The following KCNK10 variants were observed in gnomAD, a reference collection of about 807,000 sequenced individuals.
The protein encoded by KCNK10 is potassium channel subfamily K member 10.
In KCNK10, 25 loss-of-function variants were observed where a neutral mutation model predicts 47.7. The observed-to-expected ratio is 0.52, with a 90% CI of 0.38 to 0.73. KCNK10 has a LOEUF of 0.73. KCNK10 is among the 30% of genes least tolerant of loss of function. KCNK10 has a pLI of 0.00. For synonymous variants in KCNK10, 303 were observed against 285.6 expected (o/e 1.06, Z -0.61); for missense variants, 563 against 714.5 (o/e 0.79, Z 2.42).
intron 1 of KCNK10, among the ~76,000 whole-genome samples, chr14:88,298,646 C>T: frequency 6.6e-6 from 1 of 152,212 alleles, no homozygotes; most frequent in African/African-American, 2.4e-5. Flanking sequence ...ATGGTGACTA[C>T]TCACAAATTC....
intron 2 of KCNK10, among the ~76,000 whole-genome samples, chr14:88,248,094 G>A (rs1432812038): frequency 6.6e-6 from 1 of 152,158 alleles, no homozygotes; most frequent in Non-Finnish European, 1.5e-5. Context: ...AACTGATGTT[G>A]AAAAATTGCC....
intron 2 of KCNK10, among the ~76,000 whole-genome samples, chr14:88,258,525 G>A (rs956864969): frequency 3.3e-5 from 5 of 152,132 alleles, no homozygotes; most frequent in South Asian, 2.1e-4. Context: ...TCCTGACATC[G>A]TGATCCGCTT....
At chr14:88,299,299 A>G (rs1242032833) in intron 1 of KCNK10, among the ~76,000 whole-genome samples, 1 of 152,194 alleles carries the variant, frequency 6.6e-6, no homozygotes, top group East Asian at 1.9e-4. Flanking sequence ...GGCAGAGCTG[A>G]TATCAGATGG....
chr14:88,294,701 T>G (rs568707052), intron 1 of KCNK10, among the ~76,000 whole-genome samples: 1 of 152,322 alleles, frequency 6.6e-6, no homozygotes, highest in African/African-American at 2.4e-5. Flanking sequence ...CTGGCTGGTC[T>G]TTAAAATACA....
At position 88,180,871 on chromosome 14, in the gene KCNK10, G is replaced by A; in HGVS notation, c.*4664C>T. On this transcript the variant is annotated 3_prime_UTR_variant, in exon 7 of 7. Coordinates refer to ENST00000319231, the MANE Select transcript of KCNK10 (RefSeq NM_138317.3). Reference sequence around the variant, plus strand: ...TGCTGTTCCAAAGTTTCCCTATGCAGAATTAACAGCATCCACAATGCCACA... The same window carrying A: ...TGCTGTTCCAAAGTTTCCCTATGCAAAATTAACAGCATCCACAATGCCACA... 2.5e-6 allele frequency: 1 copy of A among 398,702 alleles called. No homozygotes were observed. The highest frequency in any genetic ancestry group is 4.4e-6 in the Non-Finnish European group (1 of 226,036). The allele number at this position is 398,702 out of a possible 1,614,324, so 24.7% of individuals were successfully genotyped here. A position where few individuals can be genotyped will look rare whatever the true frequency, so the allele number is the denominator to read the frequency against.
At chr14:88,303,115 C>T (rs963128189) in intron 1 of KCNK10, among the ~76,000 whole-genome samples, 2 of 152,150 alleles carry the variant, frequency 1.3e-5, no homozygotes. Context: ...ACTTCACTCC[C>T]TTCCCTGCTT....
At chr14:88,300,647 C>A (rs1888072543) in intron 1 of KCNK10, among the ~76,000 whole-genome samples, 1 of 152,146 alleles carries the variant, frequency 6.6e-6, no homozygotes, top group Middle Eastern at 3.2e-3. Flanking sequence ...ATCACAAAGA[C>A]TGAGTTTTAA....
Position 88,263,430 on chromosome 14 carries a change from G to A in KCNK10, c.174C>T (p.Ala58=). ...LSISSRATVV[A]RMEGTSQGGL... ...CCCCTTGGGAGGTGCCTTCCATCCT[G>A]GCTACCACTGTGGCTCGGGAGGAAA... The change falls in exon 2 of 7, where the codon GCC becomes GCT. Residue 58 remains alanine, a synonymous_variant. Transcript: ENST00000319231. 6.2e-7 allele frequency: 1 copy of A among 1,614,144 alleles called. No homozygotes were observed. Among genetic ancestry groups the A allele is most frequent in the Non-Finnish European group, 8.5e-7 (1 of 1,180,050 alleles).
chr14:88,265,362 G>C (rs1887223878), intron 1 of KCNK10, among the ~76,000 whole-genome samples: 1 of 152,148 alleles, frequency 6.6e-6, no homozygotes, highest in Non-Finnish European at 1.5e-5. Flanking sequence ...AGGGATGTGA[G>C]GACAGATACA....
At chr14:88,222,171 A>G (rs1289698803) in intron 4 of KCNK10, among the ~76,000 whole-genome samples, 3 of 152,206 alleles carry the variant, frequency 2.0e-5, no homozygotes, top group Non-Finnish European at 2.9e-5. Context: ...AACCCCTGAT[A>G]AGCCTATCAA....
At chr14:88,273,980 G>A (rs1041827561) in intron 1 of KCNK10, among the ~76,000 whole-genome samples, 2 of 152,074 alleles carry the variant, frequency 1.3e-5, no homozygotes, top group Non-Finnish European at 2.9e-5. Flanking sequence ...CCTTCCAGAT[G>A]TCTTTCCCAG....
chr14:88,195,758 C>G (rs1884891760), intron 4 of KCNK10, among the ~76,000 whole-genome samples: 1 of 152,186 alleles, frequency 6.6e-6, no homozygotes, highest in Non-Finnish European at 1.5e-5. Context: ...CCTTCCGAAA[C>G]TGCCAAGAAT....
chr14:88,299,029 C>G (rs1595128143), intron 1 of KCNK10, among the ~76,000 whole-genome samples: 1 of 152,262 alleles, frequency 6.6e-6, no homozygotes, highest in Non-Finnish European at 1.5e-5. Flanking sequence ...GGAAGCCTTC[C>G]CTGGTCCCCA....
chr14:88,182,775 A>G lies in KCNK10; in HGVS notation c.*2760T>C, dbSNP rs557586356. ...ATGCACCTGTTCCATTTGGTAGAGT[A>G]TGCAGCTTAGTGCTTTGAACTATTT... is the stretch of plus-strand genomic sequence containing the variant. On this transcript the variant is annotated 3_prime_UTR_variant, in exon 7 of 7. Transcript: ENST00000319231. 2.0e-5 allele frequency: 3 copies of G among 152,498 alleles called. No individual in the cohort carries two copies. Among genetic ancestry groups the G allele is most frequent in the African/African-American group, 7.2e-5 (3 of 41,580 alleles). The allele number at this position is 152,498 out of a possible 1,614,324, so 9.4% of individuals were successfully genotyped here.
intron 1 of KCNK10, among the ~76,000 whole-genome samples, chr14:88,271,940 A>G (rs1887415862): frequency 6.6e-6 from 1 of 151,894 alleles, no homozygotes; most frequent in Non-Finnish European, 1.5e-5. Flanking sequence ...AAAAAAAAAA[A>G]AGTCAGAAGC....
intron 4 of KCNK10, among the ~76,000 whole-genome samples, chr14:88,209,896 A>G (rs1423270511): frequency 6.6e-6 from 1 of 152,244 alleles, no homozygotes; most frequent in Non-Finnish European, 1.5e-5. Context: ...CTACAGGGAT[A>G]CAGGCCAATA....
chr14:88,291,210 T>G (rs1357145323), intron 1 of KCNK10, among the ~76,000 whole-genome samples: 2 of 152,320 alleles, frequency 1.3e-5, no homozygotes, highest in East Asian at 3.9e-4. Context: ...GAAGCCAGCC[T>G]TGAGCACCCC....
chr14:88,182,998 A>G lies in KCNK10; in HGVS notation c.*2537T>C, dbSNP rs958981843. The G allele has an allele frequency of 1.3e-5, 2 of 152,364 alleles. No individual in the cohort carries two copies. The highest frequency in any genetic ancestry group is 2.9e-5 in the Non-Finnish European group (2 of 68,042). The allele number at this position is 152,364 out of a possible 1,614,324, so 9.4% of individuals were successfully genotyped here. On this transcript the variant is annotated 3_prime_UTR_variant, in exon 7 of 7. Transcript: ENST00000319231. The stretch of plus-strand genomic sequence containing the variant: ...CCCTCTTGGTGGTGGAGATTCCACC[A>G]TATCTGCTCCCCACATCTGTAAGCT...
At chr14:88,269,799 A>C (rs1423996062) in intron 1 of KCNK10, among the ~76,000 whole-genome samples, 1 of 152,092 alleles carries the variant, frequency 6.6e-6, no homozygotes, top group Non-Finnish European at 1.5e-5. Context: ...ATCTGCCCCC[A>C]TTGATAGATG....
Sources: allele counts gnomAD v4.1 joint callset (sites outside exome capture counted in the v4.1 genomes callset), GRCh38; gene constraint gnomAD v4.1.1; transcripts MANE v1.5; gene names NCBI Gene and HGNC (gene_info 2026-07-23, HGNC 2026-07-21).